Variants in SLC25A31 observed in about 807,000 individuals in gnomAD.
SLC25A31 encodes the protein solute carrier family 25 member 31, also known as ADP/ATP translocase 4.
SLC25A31 carries 40 observed loss-of-function variants against 36.2 expected under a neutral mutation model. The observed-to-expected ratio is 1.10, with a 90% confidence interval of 0.86 to 1.44. The LOEUF (loss-of-function observed/expected upper bound fraction) is 1.44, where lower values mean the gene tolerates loss of function less well. Ranked by LOEUF, SLC25A31 falls within the 40% of genes most tolerant of loss-of-function variation. The pLI is 0.00. For missense variants in SLC25A31, 350 were observed against 397.1 expected (o/e 0.88, Z 1.01); for synonymous variants, 143 against 149.7 (o/e 0.96, Z 0.32).
Position 127,730,430 on chromosome 4 carries a change from AG to A in SLC25A31, c.-115del. 1 of 1,141,802 alleles carries A rather than the reference AG, an allele frequency of 8.8e-7. No homozygotes were observed. Among genetic ancestry groups the A allele is most frequent in the Admixed American group, 2.5e-5 (1 of 40,002 alleles). The allele number at this position is 1,141,802 out of a possible 1,614,324, so 70.7% of individuals were successfully genotyped here. ...CGCGCGGCTCTCTCAGCGTCCCAAGAGCCACTTTCTCGCCAGTACGATGCTG... is the reference window on the plus strand; with the variant it reads ...CGCGCGGCTCTCTCAGCGTCCCAAGACCACTTTCTCGCCAGTACGATGCTG... On this transcript the variant is annotated 5_prime_UTR_variant, in exon 1 of 6. Transcript: ENST00000281154.
intron 5 of SLC25A31, among the ~76,000 whole-genome samples, chr4:127,772,775 T>A (rs1181322227): frequency 6.8e-6 from 1 of 147,158 alleles, no homozygotes; most frequent in African/African-American, 2.5e-5. Flanking sequence ...ATATGATTTC[T>A]TTTTTTTTTT....
chr4:127,736,810 A>ATG (rs1731641645), intron 1 of SLC25A31, among the ~76,000 whole-genome samples: 1 of 152,202 alleles, frequency 6.6e-6, no homozygotes, highest in Admixed American at 6.5e-5. Context: ...ACTAATGTGT[A>ATG]TGTGTGTGTT....
At chr4:127,768,091 AC>A (rs1732280147) in intron 4 of SLC25A31, among the ~76,000 whole-genome samples, 1 of 151,918 alleles carries the variant, frequency 6.6e-6, no homozygotes, top group Non-Finnish European at 1.5e-5. Context: ...CTTAATGACT[AC>A]ATTATAATGC....
chr4:127,749,348 T>A (rs1731882933), intron 2 of SLC25A31, among the ~76,000 whole-genome samples: 2 of 152,298 alleles, frequency 1.3e-5, no homozygotes, highest in South Asian at 2.1e-4. Context: ...AGCTTATTTT[T>A]AAAAATATTG....
chr4:127,739,346 T>C (rs1731691217), intron 1 of SLC25A31, among the ~76,000 whole-genome samples: 1 of 152,192 alleles, frequency 6.6e-6, no homozygotes, highest in Non-Finnish European at 1.5e-5. Flanking sequence ...CTCTTCTTCA[T>C]GTATAAAATT....
chr4:127,765,049 T>C (rs1329647196), intron 3 of SLC25A31, among the ~76,000 whole-genome samples: 2 of 152,226 alleles, frequency 1.3e-5, no homozygotes, highest in Non-Finnish European at 2.9e-5. Flanking sequence ...GATGATCTTA[T>C]ATTTCACAAT....
chr4:127,752,722 A>G (rs1329763786), intron 2 of SLC25A31, among the ~76,000 whole-genome samples: 7 of 152,202 alleles, frequency 4.6e-5, no homozygotes, highest in Non-Finnish European at 2.9e-5. Context: ...GGATATAACA[A>G]TTGTAAATAT....
intron 2 of SLC25A31, among the ~76,000 whole-genome samples, chr4:127,758,645 G>A (rs1732074537): frequency 6.6e-6 from 1 of 152,138 alleles, no homozygotes; most frequent in Non-Finnish European, 1.5e-5. Flanking sequence ...ATTAATGTTT[G>A]TATATGGTGA....
chr4:127,770,896 A>G (rs1420362136), intron 5 of SLC25A31, among the ~76,000 whole-genome samples: 1 of 149,812 alleles, frequency 6.7e-6, no homozygotes, highest in Non-Finnish European at 1.5e-5. Context: ...TGTCTTATAA[A>G]TGGCTGTCTT....
intron 4 of SLC25A31, among the ~76,000 whole-genome samples, chr4:127,767,512 T>A (rs1195480788): frequency 2.0e-5 from 3 of 152,168 alleles, no homozygotes; most frequent in Admixed American, 1.3e-4. Flanking sequence ...CATAATCAAA[T>A]CATTGGTATA....
intron 2 of SLC25A31, among the ~76,000 whole-genome samples, chr4:127,748,906 A>G (rs1361799582): frequency 2.0e-5 from 3 of 152,214 alleles, no homozygotes; most frequent in Non-Finnish European, 4.4e-5. Flanking sequence ...GGAAACTAAT[A>G]ATGCTCCAAT....
At chr4:127,768,652 T>A (rs1377401528) in intron 4 of SLC25A31, 100 bp from the exon 5 acceptor site, 3 of 984,500 alleles carry the variant, frequency 3.0e-6, no homozygotes, top group African/African-American at 3.3e-5. Flanking sequence ...TAAGTATAAT[T>A]GGGCCCTCTT....
chr4:127,751,631 A>G (rs1187237267), intron 2 of SLC25A31, among the ~76,000 whole-genome samples: 1 of 152,238 alleles, frequency 6.6e-6, no homozygotes, highest in Non-Finnish European at 1.5e-5. Flanking sequence ...CAGAGTGAAC[A>G]GGCAACCTAC....
chr4:127,762,333 G>A (rs1427501358), intron 2 of SLC25A31, among the ~76,000 whole-genome samples: 3 of 152,190 alleles, frequency 2.0e-5, no homozygotes, highest in African/African-American at 7.2e-5. Flanking sequence ...AAAAAAGAGT[G>A]TGTCTTATGT....
chr4:127,761,926 A>G (rs916701956), intron 2 of SLC25A31, among the ~76,000 whole-genome samples: 2 of 152,138 alleles, frequency 1.3e-5, no homozygotes, highest in Non-Finnish European at 2.9e-5. Flanking sequence ...CATCTACTAC[A>G]CTGTGGATTA....
At chr4:127,752,331 A>G (rs2148758876) in intron 2 of SLC25A31, among the ~76,000 whole-genome samples, 1 of 151,422 alleles carries the variant, frequency 6.6e-6, no homozygotes, top group South Asian at 2.1e-4. Flanking sequence ...AAAAAACCAA[A>G]CACCGCATGT....
At chr4:127,738,516 C>T (rs957176429) in intron 1 of SLC25A31, among the ~76,000 whole-genome samples, 5 of 152,090 alleles carry the variant, frequency 3.3e-5, no homozygotes, top group Non-Finnish European at 5.9e-5. Context: ...TGGAGACTTG[C>T]TTTATGGCTT....
intron 2 of SLC25A31, among the ~76,000 whole-genome samples, chr4:127,752,278 A>C (rs1237527560): frequency 1.3e-5 from 2 of 152,166 alleles, no homozygotes; most frequent in African/African-American, 4.8e-5. Context: ...AGGGACATGG[A>C]TGAAGCTGGA....
intron 3 of SLC25A31, among the ~76,000 whole-genome samples, chr4:127,764,694 A>G (rs922597842): frequency 1.3e-5 from 2 of 152,086 alleles, no homozygotes; most frequent in African/African-American, 2.4e-5. Context: ...AGATGCACAA[A>G]TCTCATCCTA....
Sources: allele counts gnomAD v4.1 joint callset (sites outside exome capture counted in the v4.1 genomes callset), GRCh38; gene constraint gnomAD v4.1.1; transcripts MANE v1.5; gene names NCBI Gene and HGNC (gene_info 2026-07-23, HGNC 2026-07-21).